The following ST18 variants were observed in gnomAD, a reference collection of about 807,000 sequenced individuals.
ST18 encodes ST18 C2H2C-type zinc finger transcription factor, also known as suppression of tumorigenicity 18 protein.
ST18 carries 50 observed loss-of-function variants against 110.0 expected under a neutral mutation model. That is an observed-to-expected ratio of 0.45 (90% CI 0.36 to 0.58). The LOEUF (loss-of-function observed/expected upper bound fraction) is 0.58, where lower values mean the gene tolerates loss of function less well. ST18 is among the 20% of genes least tolerant of loss of function. The probability of loss-of-function intolerance (pLI) is 0.00; values close to 1 mark genes in which losing one functional copy is unlikely to be tolerated. For missense variants in ST18, 1,306 were observed against 1,280.1 expected (o/e 1.02, Z -0.31); for synonymous variants, 461 against 452.4 (o/e 1.02, Z -0.24).
intron 2 of ST18, among the ~76,000 whole-genome samples, chr8:52,268,899 C>A (rs1280761483): frequency 6.6e-6 from 1 of 152,198 alleles, no homozygotes; most frequent in African/African-American, 2.4e-5. Flanking sequence ...TGCAGCTACT[C>A]TTGGCACTGA....
intron 22 of ST18, 60 bp downstream of exon 22, chr8:52,131,898 G>A: frequency 6.4e-7 from 1 of 1,557,682 alleles, no homozygotes; most frequent in South Asian, 1.2e-5. Context: ...CTCTCCCCAA[G>A]GCAGCCTAGG....
chr8:52,194,823 G>T (rs1323042851), intron 8 of ST18: 2 of 152,168 alleles, frequency 1.3e-5, no homozygotes, highest in East Asian at 3.9e-4. Context: ...GAACTGATCA[G>T]TTCCAAAGTC....
chr8:52,272,554 C>T (rs930951483), intron 2 of ST18, among the ~76,000 whole-genome samples: 1 of 151,972 alleles, frequency 6.6e-6, no homozygotes, highest in African/African-American at 2.4e-5. Flanking sequence ...TTATAGACAA[C>T]AACAAAAAAG....
chr8:52,275,654 T>C (rs2095218721), intron 2 of ST18, among the ~76,000 whole-genome samples: 1 of 152,032 alleles, frequency 6.6e-6, no homozygotes, highest in African/African-American at 2.4e-5. Context: ...AAAATGAAAA[T>C]GTTAGAATAA....
At chr8:52,388,855 A>G (rs1348254702) in intron 2 of ST18, among the ~76,000 whole-genome samples, 2 of 149,464 alleles carry the variant, frequency 1.3e-5, no homozygotes, top group Admixed American at 6.7e-5. Flanking sequence ...TAGGAGATAT[A>G]CCTAATGCTA....
intron 2 of ST18, among the ~76,000 whole-genome samples, chr8:52,399,832 G>A (rs1842342193): frequency 6.6e-6 from 1 of 151,886 alleles, no homozygotes; most frequent in African/African-American, 2.4e-5. Flanking sequence ...ACTGACATAG[G>A]GGCTTTCCTG....
At chr8:52,149,581 T>C in intron 16 of ST18, 151 bp downstream of exon 16, 2 of 1,175,120 alleles carry the variant, frequency 1.7e-6, no homozygotes, top group Non-Finnish European at 2.3e-6. Context: ...CCTCTGACAT[T>C]AAAAATCACC....
chr8:52,284,582 G>A (rs751616117), intron 2 of ST18, among the ~76,000 whole-genome samples: 1 of 152,148 alleles, frequency 6.6e-6, no homozygotes, highest in Non-Finnish European at 1.5e-5. Flanking sequence ...GTGGAGCTGG[G>A]AGAGGAAAAA....
At chr8:52,257,899 T>A (rs909086304) in intron 2 of ST18, among the ~76,000 whole-genome samples, 2 of 152,228 alleles carry the variant, frequency 1.3e-5, no homozygotes. Context: ...TCCAAGAGTT[T>A]TAGAATTTTA....
intron 9 of ST18, among the ~76,000 whole-genome samples, chr8:52,179,296 T>C (rs529940461): frequency 6.6e-6 from 1 of 152,318 alleles, no homozygotes; most frequent in African/African-American, 2.4e-5. Context: ...TAACATTCAA[T>C]GGGGAAAAAA....
At chr8:52,331,306 G>C (rs900217392) in intron 2 of ST18, among the ~76,000 whole-genome samples, 5 of 151,336 alleles carry the variant, frequency 3.3e-5, no homozygotes, top group Non-Finnish European at 7.4e-5. Flanking sequence ...ATGTTTATCT[G>C]TATTTATGAA....
At chr8:52,238,425 G>C (rs2092982755) in intron 2 of ST18, among the ~76,000 whole-genome samples, 1 of 152,058 alleles carries the variant, frequency 6.6e-6, no homozygotes. Flanking sequence ...ATAGAAAACA[G>C]TAAAGACATT....
chr8:52,184,979 C>T (rs1269374102), intron 8 of ST18, among the ~76,000 whole-genome samples: 2 of 151,776 alleles, frequency 1.3e-5, no homozygotes, highest in Non-Finnish European at 1.5e-5. Flanking sequence ...AGAAAAGAAA[C>T]AAAGTAACAA....
intron 2 of ST18, among the ~76,000 whole-genome samples, chr8:52,386,925 T>C (rs1837023142): frequency 6.6e-6 from 1 of 152,190 alleles, no homozygotes; most frequent in East Asian, 1.9e-4. Context: ...ATAATCCAAC[T>C]AGTATAATTA....
Position 52,159,126 on chromosome 8 carries a change from T to G in ST18, c.1595-17A>C. The G allele has an allele frequency of 6.2e-7, 1 of 1,609,300 alleles. No individual in the cohort carries two copies. The highest frequency in any genetic ancestry group is 8.5e-7 in the Non-Finnish European group (1 of 1,177,162). ...AATGCTTTGCTGTTGAAGAGAGATT[T>G]GATTAGCAATTGCATGTACATGGTT... On this transcript the variant is annotated splice_polypyrimidine_tract_variant and intron_variant, in intron 14 of 25. Transcript: ENST00000689386.
intron 8 of ST18, among the ~76,000 whole-genome samples, chr8:52,201,935 ATATACT>A (rs1374497994): frequency 2.0e-5 from 3 of 152,242 alleles, no homozygotes; most frequent in South Asian, 2.1e-4. Flanking sequence ...CTTTGATAAA[ATATACT>A]TATAAAGGAA....
At chr8:52,211,297 T>G (rs992472482) in intron 8 of ST18, among the ~76,000 whole-genome samples, 1 of 151,944 alleles carries the variant, frequency 6.6e-6, no homozygotes, top group African/African-American at 2.4e-5. Context: ...CGAAAATGCT[T>G]GAATCCACTC....
In ST18 at chr8:52,273,857, G is replaced by T. The variant is rs191692525; in HGVS notation, c.-464-43780C>A. ...AGCACACTAATTAAGCCTAGAAAAT[G>T]TTGCAACATGCATACAGTGTATGGA... On this transcript the variant is annotated intron_variant, in intron 2 of 25. Transcript: ENST00000689386. Among the ~76,000 whole-genome samples the T allele has an allele frequency of 1.3e-3, 191 of 152,302 alleles. 1 individual carries two copies. Among genetic ancestry groups the T allele is most frequent in the Non-Finnish European group, 2.2e-4 (15 of 68,030 alleles).
intron 2 of ST18, among the ~76,000 whole-genome samples, chr8:52,348,511 G>C (rs935520348): frequency 1.3e-5 from 2 of 152,214 alleles, no homozygotes; most frequent in African/African-American, 2.4e-5. Flanking sequence ...CCAGCACTTC[G>C]GGAAGCCGAG....
Sources: allele counts gnomAD v4.1 joint callset (sites outside exome capture counted in the v4.1 genomes callset), GRCh38; gene constraint gnomAD v4.1.1; transcripts MANE v1.5; gene names NCBI Gene and HGNC (gene_info 2026-07-23, HGNC 2026-07-21).